IPO11: variants seen among roughly 807,000 people sequenced by gnomAD.
The protein encoded by IPO11 is importin-11.
Under a neutral mutation model 143.2 loss-of-function variants are expected in IPO11, and 66 were observed. The ratio of observed to expected loss-of-function variants is 0.46; its 90% CI spans 0.38 to 0.57. IPO11 has a LOEUF of 0.57. Ranked by LOEUF, IPO11 falls within the 20% of genes least tolerant of loss-of-function variation. The probability of loss-of-function intolerance (pLI) is 0.00; values close to 1 mark genes in which losing one functional copy is unlikely to be tolerated. For synonymous variants in IPO11, 385 were observed against 377.8 expected, an observed-to-expected ratio of 1.02 and a Z score of -0.22; for missense variants, 1,026 against 1,141.0, an observed-to-expected ratio of 0.90 and a Z score of 1.45.
At chr5:62,590,284 A>G (rs892768907) in intron 27 of IPO11, among the ~76,000 whole-genome samples, 1 of 152,158 alleles carries the variant, frequency 6.6e-6, no homozygotes, top group Non-Finnish European at 1.5e-5. Context: ...AAAACTAATA[A>G]ATCAGGGCTT....
intron 15 of IPO11, among the ~76,000 whole-genome samples, chr5:62,492,243 A>G (rs1746640697): frequency 6.6e-6 from 1 of 152,184 alleles, no homozygotes; most frequent in African/African-American, 2.4e-5. Context: ...AGAGTCTAAT[A>G]TGGTCTTAGT....
chr5:62,560,420 T>G (rs1231766197), intron 26 of IPO11, among the ~76,000 whole-genome samples: 2 of 152,218 alleles, frequency 1.3e-5, no homozygotes, highest in Non-Finnish European at 2.9e-5. Context: ...CTCTTAGGGT[T>G]TTCAGTGAAT....
At chr5:62,505,833 C>G (rs934027468) in intron 18 of IPO11, among the ~76,000 whole-genome samples, 1 of 151,888 alleles carries the variant, frequency 6.6e-6, no homozygotes, top group Non-Finnish European at 1.5e-5. Flanking sequence ...CAATAATTAA[C>G]GTCTTTTTGC....
chr5:62,605,875 G>A (rs747339306), intron 29 of IPO11, among the ~76,000 whole-genome samples: 5 of 151,946 alleles, frequency 3.3e-5, no homozygotes, highest in Non-Finnish European at 7.4e-5. Context: ...AGCTGAGACC[G>A]CATGTGCATG....
intron 24 of IPO11, among the ~76,000 whole-genome samples, chr5:62,538,290 G>A (rs1488430379): frequency 4.6e-5 from 7 of 152,174 alleles, no homozygotes; most frequent in Non-Finnish European, 7.4e-5. Context: ...TAGGATCTAA[G>A]TGAGTAAAAG....
chr5:62,519,208 C>T (rs1742128231), intron 20 of IPO11, among the ~76,000 whole-genome samples: 1 of 151,806 alleles, frequency 6.6e-6, no homozygotes. Context: ...TGTAAAACTA[C>T]CTAAGCATTA....
intron 27 of IPO11, among the ~76,000 whole-genome samples, chr5:62,587,427 T>C (rs1342706585): frequency 6.6e-6 from 1 of 152,168 alleles, no homozygotes; most frequent in Non-Finnish European, 1.5e-5. Context: ...TATGTTTCCA[T>C]TTAAACGACA....
chr5:62,443,253 G>A, intron 3 of IPO11, 170 bp downstream of exon 3: 1 of 445,818 alleles, frequency 2.2e-6, no homozygotes, highest in Non-Finnish European at 4.0e-6. Flanking sequence ...CAAGGATGAT[G>A]TGGAGATTTG....
intron 18 of IPO11, 81 bp from the exon 19 acceptor site, chr5:62,506,160 T>G (rs1741548620): frequency 2.9e-6 from 2 of 680,616 alleles, no homozygotes; most frequent in Non-Finnish European, 4.8e-6. Context: ...TATGATTTAT[T>G]TCTTACTTCT....
At position 62,598,387 on chromosome 5, in the gene IPO11, GCTTGCTTTCTTT is replaced by G. The variant is rs1184391093; in HGVS notation, c.2679-3373_2679-3362del. Among the ~76,000 whole-genome samples, 35 of 36,230 alleles carry G rather than the reference GCTTGCTTTCTTT, an allele frequency of 9.7e-4. 2 individuals carry two copies. In the South Asian group the frequency reaches 0.013, roughly 13 times the overall value. 23.8% of individuals were successfully genotyped at this position (36,230 alleles called of 152,430 possible). A position where few individuals can be genotyped will look rare whatever the true frequency, so the allele number is the denominator to read the frequency against. On this transcript the variant is annotated intron_variant, in intron 28 of 29. Coordinates refer to ENST00000325324, the MANE Select transcript of IPO11 (RefSeq NM_016338.5). ...CGACCCATAAATTGTTTGCTTGCTT[GCTTGCTTTCTTT>G]CTTTCTTTCTTTCTTTCTTTCTTTC... is the stretch of plus-strand genomic sequence containing the variant.
At chr5:62,597,498 C>T (rs998330546) in intron 28 of IPO11, among the ~76,000 whole-genome samples, 3 of 152,130 alleles carry the variant, frequency 2.0e-5, no homozygotes, top group Non-Finnish European at 4.4e-5. Context: ...AAATAGGGTA[C>T]TGAAACAGCT....
At chr5:62,546,307 A>T (rs942443817) in intron 24 of IPO11, among the ~76,000 whole-genome samples, 2 of 152,228 alleles carry the variant, frequency 1.3e-5, no homozygotes, top group African/African-American at 2.4e-5. Context: ...AGGGACATGG[A>T]TGAAGCTGGA....
At chr5:62,421,931 A>G (rs910304083) in intron 1 of IPO11, among the ~76,000 whole-genome samples, 2 of 152,198 alleles carry the variant, frequency 1.3e-5, no homozygotes, top group African/African-American at 4.8e-5. Context: ...AATGGAAACT[A>G]CCAATCGAAG....
chr5:62,473,912 A>T (rs1745870802), intron 7 of IPO11, among the ~76,000 whole-genome samples: 1 of 152,178 alleles, frequency 6.6e-6, no homozygotes, highest in Non-Finnish European at 1.5e-5. Context: ...TGAAGTTAAG[A>T]ACTGTGGTGT....
rs767294391 is a variant in IPO11 at position 62,470,319 on chromosome 5, G to A, written c.708+11G>A. On this transcript the variant is annotated intron_variant, in intron 7 of 29. Coordinates refer to ENST00000325324, the MANE Select transcript of IPO11 (RefSeq NM_016338.5). ...AATATGGAGGTGATGGTAAGTGATC[G>A]AAGAAATTTGCTGTGACTTTGGGAA... 128 of 1,611,784 alleles carry A rather than the reference G, an allele frequency of 7.9e-5. No homozygotes were observed. The highest frequency in any genetic ancestry group is 1.6e-4 in the Middle Eastern group (1 of 6,078).
At chr5:62,567,468 T>G (rs1398843872) in intron 27 of IPO11, among the ~76,000 whole-genome samples, 1 of 147,450 alleles carries the variant, frequency 6.8e-6, no homozygotes, top group African/African-American at 2.5e-5. Flanking sequence ...ATTTGGAAAA[T>G]TTTCTATTAT....
chr5:62,490,017 A>G, intron 14 of IPO11, 98 bp from the exon 15 acceptor site: 1 of 549,206 alleles, frequency 1.8e-6, no homozygotes. Flanking sequence ...CCTGATTAGC[A>G]TATTGTGTGT....
At chr5:62,477,412 T>G (rs183071814) in intron 9 of IPO11, among the ~76,000 whole-genome samples, 1 of 152,250 alleles carries the variant, frequency 6.6e-6, no homozygotes, top group East Asian at 1.9e-4. Context: ...AGGGTAGGGG[T>G]TGCTTATTCC....
At chr5:62,483,930 T>G (rs1561329663) in intron 10 of IPO11, 80 bp from the exon 11 acceptor site, 2 of 1,221,364 alleles carry the variant, frequency 1.6e-6, no homozygotes, top group African/African-American at 1.6e-5. Flanking sequence ...AGAGTGTATT[T>G]TTTATTTATT....
Sources: gnomAD v4.1 joint callset for allele counts (sites outside exome capture counted in the v4.1 genomes callset) on GRCh38, gnomAD v4.1.1 for gene constraint, MANE v1.5 for transcripts, NCBI Gene and HGNC (gene_info 2026-07-23, HGNC 2026-07-21) for gene names.